SLC2A9: variants seen among roughly 807,000 people sequenced by gnomAD.
SLC2A9 encodes the protein solute carrier family 2, facilitated glucose transporter member 9.
Under a neutral mutation model 50.6 loss-of-function variants are expected in SLC2A9, and 39 were observed. That is an observed-to-expected ratio of 0.77 (90% CI 0.60 to 1.01). SLC2A9 has a LOEUF of 1.01. SLC2A9 is among the 50% of genes least tolerant of loss of function. The pLI, the probability that SLC2A9 is intolerant of heterozygous loss-of-function variation, is 0.00. For synonymous variants in SLC2A9, 324 were observed against 276.9 expected (o/e 1.17, Z -1.69); for missense variants, 686 against 677.6 (o/e 1.01, Z -0.14).
chr4:9,948,437 C>G (rs1749598698), intron 5 of SLC2A9, among the ~76,000 whole-genome samples: 2 of 152,226 alleles, frequency 1.3e-5, no homozygotes, highest in Admixed American at 6.5e-5. Context: ...TTCCCCCACA[C>G]CTGCGTCACC....
intron 8 of SLC2A9, among the ~76,000 whole-genome samples, chr4:9,904,952 A>G (rs559035693): frequency 1.3e-5 from 2 of 152,224 alleles, no homozygotes; most frequent in Admixed American, 1.3e-4. Context: ...AATGCACTTC[A>G]CTTCACCTAA....
chr4:10,018,982 G>A lies in SLC2A9; in HGVS notation c.242C>T (p.Pro81Leu), dbSNP rs1302651184. The A allele has an allele frequency of 1.3e-6, 2 of 1,549,838 alleles. No individual in the cohort carries two copies. Among genetic ancestry groups the A allele is most frequent in the Admixed American group, 2.0e-5 (1 of 51,012 alleles). The change falls in exon 2 of 12, where the codon CCC becomes CTC. Residue 81 changes from proline to leucine, a missense_variant. Transcript: ENST00000264784. ...YGYNLSVVNA[P>L]TPYIKAFYNE... Reference sequence around the variant, plus strand: ...GCCTTGGCGCGCACTCACCGGGGTGGGGGCATTCACCACCGACAGGTTGTA... The same window carrying A: ...GCCTTGGCGCGCACTCACCGGGGTGAGGGCATTCACCACCGACAGGTTGTA...
At chr4:9,853,551 C>T (rs1421744515) in intron 10 of SLC2A9, among the ~76,000 whole-genome samples, 3 of 152,108 alleles carry the variant, frequency 2.0e-5, no homozygotes, top group East Asian at 3.9e-4. Context: ...ACAATAATAG[C>T]AGGAGATGTC....
At chr4:9,978,887 T>C (rs944172771) in intron 5 of SLC2A9, among the ~76,000 whole-genome samples, 1 of 152,258 alleles carries the variant, frequency 6.6e-6, no homozygotes, top group Non-Finnish European at 1.5e-5. Flanking sequence ...GTAAACTTTA[T>C]GTGGATTTTA....
rs1402426011 is a variant in SLC2A9 at position 9,771,261 on chromosome 4, G to A, written n.290C>T. On this transcript the variant is annotated non_coding_transcript_exon_variant, in exon 2 of 2. Transcript: ENST00000508585. ...CTCAGTGACAGTGCAGAAAAAGAAG[G>A]GTTTCATATCTGGAGTGTGATGCAG... 2 of 379,422 alleles carry A rather than the reference G, an allele frequency of 5.3e-6. 1 individual carries two copies. The highest frequency in any genetic ancestry group is 2.9e-4 in the South Asian group (2 of 6,804). 23.5% of individuals were successfully genotyped at this position (379,422 alleles called of 1,614,324 possible).
intron 5 of SLC2A9, among the ~76,000 whole-genome samples, chr4:9,945,155 C>A (rs955778044): frequency 6.6e-6 from 1 of 152,242 alleles, no homozygotes; most frequent in African/African-American, 2.4e-5. Flanking sequence ...AGGATCAGGG[C>A]AACCTAGTGA....
At chr4:9,943,270 G>T (rs893464010) in intron 5 of SLC2A9, among the ~76,000 whole-genome samples, 1 of 152,162 alleles carries the variant, frequency 6.6e-6, no homozygotes, top group African/African-American at 2.4e-5. Flanking sequence ...GCCAGCAGCT[G>T]GTCCAATCAT....
chr4:9,880,200 G>C, intron 10 of SLC2A9: 1 of 985,468 alleles, frequency 1.0e-6, no homozygotes, highest in Non-Finnish European at 1.2e-6. Flanking sequence ...AGACAGGTAA[G>C]TTCCCTGAGG....
At chr4:9,865,453 C>T (rs1732294857) in intron 10 of SLC2A9, among the ~76,000 whole-genome samples, 1 of 152,182 alleles carries the variant, frequency 6.6e-6, no homozygotes, top group Non-Finnish European at 1.5e-5. Context: ...GACCATTTAT[C>T]ATTTCTTTCT....
chr4:9,908,516 A>C (rs970357277), intron 7 of SLC2A9, among the ~76,000 whole-genome samples, 171 bp from the exon 8 acceptor site: 7 of 150,046 alleles, frequency 4.7e-5, no homozygotes, highest in Non-Finnish European at 8.9e-5. Flanking sequence ...TTTCTTCATT[A>C]CTTTTTTTCC....
chr4:9,925,087 C>T (rs971636962), intron 6 of SLC2A9, among the ~76,000 whole-genome samples: 1 of 152,220 alleles, frequency 6.6e-6, no homozygotes, highest in African/African-American at 2.4e-5. Flanking sequence ...GAGGCTCCCC[C>T]CATCTCTCTT....
intron 2 of SLC2A9, among the ~76,000 whole-genome samples, chr4:9,998,505 C>T (rs1189487033): frequency 6.6e-6 from 1 of 152,146 alleles, no homozygotes; most frequent in Non-Finnish European, 1.5e-5. Context: ...ATTAAAAGAT[C>T]TGGTAAGACT....
At chr4:9,815,223 G>A (rs999645773) in intron 3 of SLC2A9, among the ~76,000 whole-genome samples, 95 of 152,184 alleles carry the variant, frequency 6.2e-4, no homozygotes, top group African/African-American at 2.2e-3. Context: ...CAAAGCTGCT[G>A]TGACTAGAGA....
At chr4:10,033,540 G>C (rs1222736763) in intron 1 of SLC2A9, among the ~76,000 whole-genome samples, 1 of 152,184 alleles carries the variant, frequency 6.6e-6, no homozygotes, top group African/African-American at 2.4e-5. Flanking sequence ...AGATATCCCA[G>C]CCTGGCTTCC....
chr4:9,906,744 T>G (rs1212441323), intron 8 of SLC2A9, among the ~76,000 whole-genome samples: 1 of 152,232 alleles, frequency 6.6e-6, no homozygotes, highest in Non-Finnish European at 1.5e-5. Context: ...TCTCCCGTAC[T>G]TCCCCCATAA....
intron 10 of SLC2A9, among the ~76,000 whole-genome samples, chr4:9,858,858 T>C (rs1423687838): frequency 2.6e-5 from 4 of 152,176 alleles, no homozygotes; most frequent in Non-Finnish European, 5.9e-5. Flanking sequence ...GGGCACCATC[T>C]AATCAGGTGC....
intron 4 of SLC2A9, among the ~76,000 whole-genome samples, chr4:9,982,543 G>A (rs1001053938): frequency 6.6e-6 from 1 of 152,142 alleles, no homozygotes; most frequent in African/African-American, 2.4e-5. Context: ...AGATCAATTA[G>A]TTATATGTTC....
At chr4:10,040,023 C>T (rs16892493) in intron 1 of SLC2A9, 15,230 of 152,670 alleles carry the variant, frequency 0.1, 1,354 homozygotes, top group East Asian at 0.46. Flanking sequence ...GAGAGCTCCA[C>T]TTTGCCCACA....
intron 8 of SLC2A9, among the ~76,000 whole-genome samples, chr4:9,891,647 A>G (rs1737456542): frequency 6.6e-6 from 1 of 152,204 alleles, no homozygotes; most frequent in Non-Finnish European, 1.5e-5. Flanking sequence ...GAGGTGAGAT[A>G]ACAGCAGACA....
Sources: gnomAD v4.1 joint callset for allele counts (sites outside exome capture counted in the v4.1 genomes callset) on GRCh38, gnomAD v4.1.1 for gene constraint, MANE v1.5 for transcripts, NCBI Gene and HGNC (gene_info 2026-07-23, HGNC 2026-07-21) for gene names.